Variants in SLC12A2 observed in about 807,000 individuals in gnomAD.
SLC12A2 encodes solute carrier family 12 member 2.
A neutral mutation model predicts 136.3 loss-of-function variants in SLC12A2; 67 were observed. That is an observed-to-expected ratio of 0.49 (90% CI 0.40 to 0.60). SLC12A2 has a LOEUF of 0.60. Ranked by LOEUF, SLC12A2 falls within the 20% of genes least tolerant of loss-of-function variation. SLC12A2 has a pLI of 0.00. For synonymous variants in SLC12A2, 619 were observed against 562.9 expected (o/e 1.10, Z -1.41); for missense variants, 1,322 against 1,534.7 (o/e 0.86, Z 2.32).
intron 4 of SLC12A2, among the ~76,000 whole-genome samples, chr5:128,125,552 T>C (rs1027389630): frequency 1.3e-5 from 2 of 152,220 alleles, no homozygotes; most frequent in African/African-American, 2.4e-5. Context: ...AGTTATGTTA[T>C]TCGGTTTGAC....
At chr5:128,165,228 C>G (rs546906347) in intron 17 of SLC12A2, among the ~76,000 whole-genome samples, 1 of 152,218 alleles carries the variant, frequency 6.6e-6, no homozygotes, top group East Asian at 1.9e-4. Flanking sequence ...ATTAGCATTG[C>G]TAATTTTCTT....
intron 18 of SLC12A2, chr5:128,169,791 A>G (rs908087530): frequency 3.0e-4 from 46 of 152,296 alleles, no homozygotes; most frequent in Admixed American, 2.3e-3. Context: ...AAATTCTTTC[A>G]TACACCTGTC....
At chr5:128,115,966 C>T (rs1365848614) in intron 4 of SLC12A2, among the ~76,000 whole-genome samples, 1 of 152,170 alleles carries the variant, frequency 6.6e-6, no homozygotes, top group Non-Finnish European at 1.5e-5. Context: ...AAGTTTTATG[C>T]TTCTGTTAGC....
chr5:128,135,148 G>A (rs1440753661), intron 6 of SLC12A2, among the ~76,000 whole-genome samples: 4 of 152,010 alleles, frequency 2.6e-5, no homozygotes, highest in African/African-American at 9.7e-5. Context: ...GAGTGGAGAA[G>A]GGGAAATGGT....
intron 6 of SLC12A2, 131 bp downstream of exon 6, chr5:128,134,406 T>C (rs771932465): frequency 5.1e-6 from 3 of 590,334 alleles, no homozygotes; most frequent in Non-Finnish European, 9.3e-6. Flanking sequence ...TCACAAATGT[T>C]TATGTATAAG....
Position 128,160,845 on chromosome 5 carries a change from G to C in SLC12A2, c.2476-815G>C, listed in dbSNP as rs188259526. ...TGGCAAAGTCAAGGGGTGTGTGTTT[G>C]TGTGTGTGTGTGTGTGTGTGTGAGA... On this transcript the variant is annotated intron_variant, in intron 16 of 26. Coordinates refer to ENST00000262461, the MANE Select transcript of SLC12A2 (RefSeq NM_001046.3). Among the ~76,000 whole-genome samples, 686 of 125,554 alleles carry C rather than the reference G, an allele frequency of 5.5e-3. 5 individuals carry two copies. The highest frequency in any genetic ancestry group is 0.011 in the Middle Eastern group (3 of 266). The allele number at this position is 125,554 out of a possible 152,430, so 82.4% of individuals were successfully genotyped here. A position where few individuals can be genotyped will look rare whatever the true frequency, so the allele number is the denominator to read the frequency against.
chr5:128,181,263 C>T (rs1270181455), intron 23 of SLC12A2, among the ~76,000 whole-genome samples: 1 of 152,020 alleles, frequency 6.6e-6, no homozygotes. Context: ...AAGTGTTAAG[C>T]AACTTCTTTC....
At chr5:128,100,758 T>C (rs1244319946) in intron 1 of SLC12A2, among the ~76,000 whole-genome samples, 1 of 152,204 alleles carries the variant, frequency 6.6e-6, no homozygotes, top group Non-Finnish European at 1.5e-5. Context: ...ATCTTTAAAA[T>C]AATTTGAAAT....
intron 9 of SLC12A2, among the ~76,000 whole-genome samples, chr5:128,141,518 C>T (rs923697061): frequency 2.6e-5 from 4 of 152,116 alleles, no homozygotes; most frequent in Admixed American, 2.6e-4. Context: ...TACTTAAGGA[C>T]ATCTTAACCA....
intron 20 of SLC12A2, 92 bp from the exon 21 acceptor site, chr5:128,177,013 T>A (rs1276191733): frequency 1.4e-6 from 1 of 720,482 alleles, no homozygotes; most frequent in East Asian, 3.2e-5. Context: ...TCATATTATA[T>A]TTTGTTTATA....
At chr5:128,156,652 A>G (rs1051252860) in intron 15 of SLC12A2, among the ~76,000 whole-genome samples, 1 of 152,210 alleles carries the variant, frequency 6.6e-6, no homozygotes, top group Admixed American at 6.5e-5. Context: ...TTGGTGTCAC[A>G]TGGTAGTCCA....
chr5:128,097,000 G>A (rs1363950506), intron 1 of SLC12A2, among the ~76,000 whole-genome samples: 2 of 151,992 alleles, frequency 1.3e-5, no homozygotes, highest in Non-Finnish European at 2.9e-5. Flanking sequence ...AAATGCTAAG[G>A]AAATTAACAA....
chr5:128,098,858 C>A (rs1200528144), intron 1 of SLC12A2, among the ~76,000 whole-genome samples: 1 of 152,078 alleles, frequency 6.6e-6, no homozygotes, highest in South Asian at 2.1e-4. Context: ...CATCATTATA[C>A]TTTTTCTGAA....
chr5:128,142,120 T>C, intron 10 of SLC12A2, 139 bp downstream of exon 10: 1 of 736,920 alleles, frequency 1.4e-6, no homozygotes, highest in Non-Finnish European at 2.1e-6. Flanking sequence ...AATTTTTTCT[T>C]GAGATAGAGT....
Position 128,084,244 on chromosome 5 carries a change from C to T in SLC12A2, c.290C>T (p.Ala97Val). 1 of 1,219,208 alleles carries T rather than the reference C, an allele frequency of 8.2e-7. No individual in the cohort carries two copies. Among genetic ancestry groups the T allele is most frequent in the Non-Finnish European group, 1.0e-6 (1 of 971,338 alleles). The allele number at this position is 1,219,208 out of a possible 1,614,324, so 75.5% of individuals were successfully genotyped here. ...AACGCCGGGCGGGCCGCTGCTGCGG[C>T]GGCGGCGGCGGCGGCGGCAGCGGCG... Reference protein sequence around the residue: ...SENAGRAAAAAAAAAAAAAAA... With the variant: ...SENAGRAAAAVAAAAAAAAAA... Residue 97 changes from alanine (A) to valine (V), a missense_variant, in exon 1 of 27, where the codon GCG (alanine) becomes GTG (valine). Physicochemically the swap from Ala to Val is moderately conservative, Grantham distance 64 (BLOSUM62 0). This residue lies in a region of SLC12A2 where 358 missense variants were observed against 299.7 expected (regional missense o/e 1.19). Transcript: ENST00000262461. The surrounding 1 kb of genome is among the most constrained non-coding windows in gnomAD (Gnocchi z 5.6).
rs997989999 is a variant in SLC12A2 at position 128,141,855 on chromosome 5, T to C, written c.1647T>C (p.Thr549=). The C allele has an allele frequency of 1.2e-6, 2 of 1,613,226 alleles. No homozygotes were observed. Among genetic ancestry groups the C allele is most frequent in the Non-Finnish European group, 1.7e-6 (2 of 1,179,556 alleles). Residue 549 remains threonine (T), a synonymous_variant, in exon 10 of 27, where the codon ACT becomes ACC. Coordinates refer to ENST00000262461, the MANE Select transcript of SLC12A2 (RefSeq NM_001046.3). ...GTTCTTGTGTTGTTCGAGATGCCAC[T>C]GGAAACGTTAATGACACTATCGTAA... is the stretch of plus-strand genomic sequence containing the variant. The part of the protein sequence containing the change: ...SVGSCVVRDA[T]GNVNDTIVTE...
At chr5:128,141,434 C>G (rs573375867) in intron 9 of SLC12A2, among the ~76,000 whole-genome samples, 59 of 152,210 alleles carry the variant, frequency 3.9e-4, no homozygotes, top group African/African-American at 1.1e-3. Flanking sequence ...TAGCCACATT[C>G]AAGTATAAAA....
At chr5:128,146,249 T>C (rs1762523473) in intron 10 of SLC12A2, among the ~76,000 whole-genome samples, 1 of 151,876 alleles carries the variant, frequency 6.6e-6, no homozygotes. Context: ...AATTAAACAC[T>C]GATGAAATAC....
At chr5:128,089,799 T>A (rs916069695) in intron 1 of SLC12A2, among the ~76,000 whole-genome samples, 5 of 152,220 alleles carry the variant, frequency 3.3e-5, no homozygotes, top group African/African-American at 1.2e-4. Context: ...TTACAGAATC[T>A]CCTCTAACCA....
Sources: allele counts gnomAD v4.1 joint callset (sites outside exome capture counted in the v4.1 genomes callset), GRCh38; gene constraint gnomAD v4.1.1; regional missense constraint gnomAD v4.1.1; non-coding constraint Gnocchi (gnomAD v3.1); transcripts MANE v1.5; gene names NCBI Gene and HGNC (gene_info 2026-07-23, HGNC 2026-07-21).